PHGDH: variants seen among roughly 807,000 people sequenced by gnomAD.
PHGDH encodes phosphoglycerate dehydrogenase, also known as D-3-phosphoglycerate dehydrogenase.
Under a neutral mutation model 52.6 loss-of-function variants are expected in PHGDH, and 50 were observed. The observed-to-expected ratio is 0.95, with a 90% CI of 0.76 to 1.20. The LOEUF is 1.20. Among genes scored for constraint, PHGDH ranks in the 50% most tolerant of loss-of-function variants. The pLI, the probability that PHGDH is intolerant of heterozygous loss-of-function variation, is 0.00. For missense variants in PHGDH, 630 were observed against 684.6 expected (o/e 0.92, Z 0.89); for synonymous variants, 271 against 280.5 (o/e 0.97, Z 0.34).
chr1:119,742,191 A>T, intron 10 of PHGDH: 2 of 453,360 alleles, frequency 4.4e-6, no homozygotes, highest in Non-Finnish European at 8.2e-6. Flanking sequence ...TCTGCCCGAC[A>T]TGGCTGCCAG....
intron 3 of PHGDH, among the ~76,000 whole-genome samples, chr1:119,724,121 G>A (rs1384102536): frequency 6.6e-6 from 1 of 152,174 alleles, no homozygotes. Flanking sequence ...GAGTCTCAGT[G>A]TGTTGGTTAG....
chr1:119,743,359 C>T (rs1652299457), intron 11 of PHGDH, among the ~76,000 whole-genome samples: 1 of 152,198 alleles, frequency 6.6e-6, no homozygotes, highest in African/African-American at 2.4e-5. Context: ...AGCCATAGCC[C>T]AGGAGCTCAG....
chr1:119,735,536 C>G (rs2101199316), intron 7 of PHGDH, 93 bp downstream of exon 7: 2 of 1,270,018 alleles, frequency 1.6e-6, no homozygotes, highest in Admixed American at 3.8e-5. Context: ...TACAGAAAGC[C>G]TCTAGCTTAT....
In PHGDH at chr1:119,737,118, C is replaced by T. The variant is rs775936961; in HGVS notation, c.797C>T (p.Pro266Leu). ...GAALDVFTEE[P>L]PRDRALVDHE... is the part of the protein sequence containing the mutation. ...GAGGTATCTCTTTCTGGGCAGGAGC[C>T]GCCACGGGACCGGGCCTTGGTGGAC... Residue 266 changes from proline to leucine, a missense_variant, in exon 8 of 12, where the codon CCG (proline) becomes CTG (leucine). Transcript: ENST00000641023. The T allele has an allele frequency of 5.0e-6, 8 of 1,614,092 alleles. No homozygotes were observed. Among genetic ancestry groups the T allele is most frequent in the South Asian group, 1.1e-5 (1 of 91,080 alleles).
intron 5 of PHGDH, among the ~76,000 whole-genome samples, chr1:119,730,995 G>A (rs763021738): frequency 3.3e-5 from 5 of 152,178 alleles, no homozygotes; most frequent in South Asian, 2.1e-4. Flanking sequence ...ACCCTCACAG[G>A]AAATTTAGCT....
intron 10 of PHGDH, 80 bp from the exon 11 acceptor site, chr1:119,742,727 A>G (rs1294567306): frequency 1.2e-6 from 1 of 855,018 alleles, no homozygotes; most frequent in East Asian, 2.6e-5. Context: ...ACATCCTACC[A>G]ATGGGTGATT....
intron 5 of PHGDH, among the ~76,000 whole-genome samples, chr1:119,730,686 A>G (rs1337900027): frequency 6.6e-6 from 1 of 152,158 alleles, no homozygotes; most frequent in Non-Finnish European, 1.5e-5. Flanking sequence ...AATGATGGGT[A>G]TTTAGATTGT....
intron 5 of PHGDH, among the ~76,000 whole-genome samples, chr1:119,727,983 T>G (rs1651522459): frequency 6.6e-6 from 1 of 152,154 alleles, no homozygotes. Context: ...TGGGTGCACA[T>G]GAGTAGTAGC....
chr1:119,742,566 T>C (rs1652257096), intron 10 of PHGDH: 1 of 601,178 alleles, frequency 1.7e-6, no homozygotes, highest in African/African-American at 1.8e-5. Context: ...CCTCCAAGCC[T>C]TCGCCTGTGC....
rs953103376 is a variant in PHGDH, at chr1:119,723,247, G to A, written c.291-129G>A. ...GGCGAGAGTACATCAGAGAACTCTG[G>A]ACAGTGGCGTGGTCAGTTCATGGAG... On this transcript the variant is annotated intron_variant, in intron 2 of 11. Coordinates refer to ENST00000641023, the MANE Select transcript of PHGDH (RefSeq NM_006623.4). 2.7e-5 allele frequency: 21 copies of A among 789,128 alleles called. 1 individual carries two copies. The East Asian group carries it at 3.4e-4, about 13-fold the overall frequency. The allele number at this position is 789,128 out of a possible 1,614,324, so 48.9% of individuals were successfully genotyped here.
rs750037132 is a variant in PHGDH at position 119,721,167 on chromosome 1, C to G, written c.139-3C>G. 12 of 1,613,924 alleles carry G rather than the reference C, an allele frequency of 7.4e-6. No individual in the cohort carries two copies. The highest frequency in any genetic ancestry group is 1.0e-5 in the Non-Finnish European group (12 of 1,179,904). On this transcript the variant is annotated splice_polypyrimidine_tract_variant and splice_region_variant and intron_variant, in intron 1 of 11. Transcript: ENST00000641023. ...CTGGACCCAAATGTTTTTTCTGCTT[C>G]AGGACTGTGAAGGCCTTATTGTTCG...
At chr1:119,726,932 C>T (rs755789537) in intron 4 of PHGDH, 27 bp downstream of exon 4, 4 of 1,612,460 alleles carry the variant, frequency 2.5e-6, no homozygotes, top group African/African-American at 1.3e-5. Flanking sequence ...ACTCGCCCCA[C>T]CTGGGCTCAG....
intron 1 of PHGDH, chr1:119,719,641 C>T (rs1312865926): frequency 6.6e-6 from 1 of 152,210 alleles, no homozygotes; most frequent in Non-Finnish European, 1.5e-5. Context: ...TATGCTGCAG[C>T]CTAAGCATCA....
intron 8 of PHGDH, chr1:119,739,657 T>C (rs1382920600): frequency 6.6e-6 from 1 of 152,260 alleles, no homozygotes; most frequent in Non-Finnish European, 1.5e-5. Context: ...ACTTTACAAG[T>C]TATCTCAATA....
rs1353153995 is a variant in PHGDH at position 119,712,293 on chromosome 1, G to T, written c.138+133G>T. The T allele has an allele frequency of 3.7e-5, 28 of 762,696 alleles. No individual in the cohort carries two copies. In the South Asian group the frequency reaches 4.2e-4, roughly 11 times the overall value. The allele number at this position is 762,696 out of a possible 1,614,324, so 47.2% of individuals were successfully genotyped here. On this transcript the variant is annotated intron_variant, in intron 1 of 11. Coordinates refer to ENST00000641023, the MANE Select transcript of PHGDH (RefSeq NM_006623.4). ...TTCCGGGGCCTCCTGAGATTGGGGGGTAGAGAAGAACGGGGGCGGGAGGAG... is the reference window on the plus strand; with the variant it reads ...TTCCGGGGCCTCCTGAGATTGGGGGTTAGAGAAGAACGGGGGCGGGAGGAG...
chr1:119,724,597 C>T (rs10923893), intron 3 of PHGDH: 11,929 of 368,880 alleles, frequency 0.032, 301 homozygotes, highest in African/African-American at 0.069. Context: ...CTGAGTGTCT[C>T]TCCCCCTGGA....
At chr1:119,738,494 C>A (rs587692997) in intron 8 of PHGDH, among the ~76,000 whole-genome samples, 2 of 152,320 alleles carry the variant, frequency 1.3e-5, no homozygotes, top group South Asian at 2.1e-4. Flanking sequence ...TGTGTGGGCT[C>A]CTCAGGGCAG....
intron 7 of PHGDH, among the ~76,000 whole-genome samples, chr1:119,736,498 A>G (rs1651939632): frequency 6.6e-6 from 1 of 152,196 alleles, no homozygotes; most frequent in Non-Finnish European, 1.5e-5. Context: ...CCTAAATAAC[A>G]TACCCAAGGG....
chr1:119,741,051 C>T (rs998051466), intron 9 of PHGDH, among the ~76,000 whole-genome samples: 3 of 152,192 alleles, frequency 2.0e-5, no homozygotes, highest in African/African-American at 7.2e-5. Flanking sequence ...TTTGCTCAGC[C>T]GTGGAGTGGG....
Sources: gnomAD v4.1 joint callset for allele counts (sites outside exome capture counted in the v4.1 genomes callset) on GRCh38, gnomAD v4.1.1 for gene constraint, MANE v1.5 for transcripts, NCBI Gene and HGNC (gene_info 2026-07-23, HGNC 2026-07-21) for gene names.